ZNF519: variants seen among roughly 807,000 people sequenced by gnomAD.
ZNF519 encodes the protein zinc finger protein 519, also known as similar to Zinc finger protein 85 (Zinc finger protein HPF4) (HTF1).
ZNF519 carries 7 observed loss-of-function variants against 7.4 expected under a neutral mutation model. That is an observed-to-expected ratio of 0.94 (90% CI 0.54 to 1.77). The LOEUF is 1.77. ZNF519 is among the 40% of genes most tolerant of loss of function. The pLI, the probability that ZNF519 is intolerant of heterozygous loss-of-function variation, is 0.00. For synonymous variants in ZNF519, 179 were observed against 203.3 expected (o/e 0.88, Z 1.02); for missense variants, 586 against 623.1 (o/e 0.94, Z 0.63).
At chr18:14,073,287 T>TA (rs2046035383), downstream of ZNF519, 1 of 144,986 alleles carries the variant, frequency 6.9e-6, no homozygotes, top group South Asian at 2.2e-4. Context: ...TTTATTTATT[T>TA]TGAGATGGAG....
intron 2 of ZNF519, among the ~76,000 whole-genome samples, chr18:14,119,202 C>T (rs1851173450): frequency 6.6e-6 from 1 of 152,220 alleles, no homozygotes; most frequent in South Asian, 2.1e-4. Flanking sequence ...CTTTACAACG[C>T]TTCTTCTCTG....
At chr18:14,076,588 GA>G (rs1201827144) in exon 5 of ZNF519, 2 of 152,116 alleles carry the variant, frequency 1.3e-5, no homozygotes, top group African/African-American at 4.8e-5. Context: ...TTCAATGTCA[GA>G]ATTGTTTAAC....
intron 2 of ZNF519, among the ~76,000 whole-genome samples, chr18:14,089,608 G>C (rs1239873976): frequency 6.6e-6 from 1 of 152,142 alleles, no homozygotes; most frequent in African/African-American, 2.4e-5. Context: ...GGTGGGGTGA[G>C]TGGATATTGG....
intron 2 of ZNF519, among the ~76,000 whole-genome samples, chr18:14,091,583 C>G (rs574084656): frequency 6.6e-6 from 1 of 152,060 alleles, no homozygotes. Context: ...AGGTTGAAGA[C>G]AGAGCAATGA....
intron 2 of ZNF519, among the ~76,000 whole-genome samples, chr18:14,110,712 T>C (rs1359364640): frequency 6.6e-6 from 1 of 152,186 alleles, no homozygotes; most frequent in East Asian, 1.9e-4. Context: ...TGTGGTGAAA[T>C]GGGAACACTT....
At chr18:14,115,121 C>A (rs564523639) in intron 2 of ZNF519, among the ~76,000 whole-genome samples, 1 of 152,176 alleles carries the variant, frequency 6.6e-6, no homozygotes, top group Non-Finnish European at 1.5e-5. Context: ...GTTGCTGTAG[C>A]TTTATCCATT....
chr18:14,125,148 C>G (rs556465419), intron 1 of ZNF519, among the ~76,000 whole-genome samples: 2 of 152,276 alleles, frequency 1.3e-5, no homozygotes, highest in Admixed American at 6.5e-5. Flanking sequence ...CACAGAATCC[C>G]TTATCCCAAC....
intron 2 of ZNF519, among the ~76,000 whole-genome samples, chr18:14,113,666 G>A (rs369953544): frequency 6.8e-4 from 104 of 151,986 alleles, no homozygotes; most frequent in African/African-American, 2.3e-3. Flanking sequence ...CTAGGATTGG[G>A]GTTGCTAGGT....
Position 14,103,962 on chromosome 18 carries a change from TAC to T in ZNF519, c.*953_*954del, listed in dbSNP as rs1298629280. On this transcript the variant is annotated 3_prime_UTR_variant, in exon 3 of 3. Transcript: ENST00000590202. The stretch of plus-strand genomic sequence containing the variant: ...ATCCAGTTTCCTCAATCATCAAAAT[TAC>T]AGACTGCAAACATTCAAAAAGCATT... The T allele has an allele frequency of 6.6e-6, 1 of 152,162 alleles. No homozygotes were observed. The highest frequency in any genetic ancestry group is 2.4e-5 in the African/African-American group (1 of 41,448). The allele number at this position is 152,162 out of a possible 1,614,324, so 9.4% of individuals were successfully genotyped here. A position where few individuals can be genotyped will look rare whatever the true frequency, so the allele number is the denominator to read the frequency against.
chr18:14,096,018 C>T (rs1205404806), downstream of ZNF519, among the ~76,000 whole-genome samples: 10 of 152,192 alleles, frequency 6.6e-5, no homozygotes, highest in African/African-American at 9.7e-5. Flanking sequence ...AACACAAGAC[C>T]ATGGTTTGGG....
downstream of ZNF519, among the ~76,000 whole-genome samples, chr18:14,096,907 C>A (rs565309571): frequency 1.8e-4 from 28 of 152,274 alleles, no homozygotes; most frequent in Admixed American, 1.8e-3. Flanking sequence ...GAAGTGGACA[C>A]AGATGAAGGA....
At chr18:14,089,133 T>C (rs1262543523) in intron 2 of ZNF519, among the ~76,000 whole-genome samples, 13 of 152,190 alleles carry the variant, frequency 8.5e-5, no homozygotes, top group Admixed American at 8.5e-4. Context: ...AATGAATTAA[T>C]AAAGTTTTGG....
At chr18:14,098,139 T>TCGCCTATA (rs2046145121), downstream of ZNF519, among the ~76,000 whole-genome samples, 3 of 150,984 alleles carry the variant, frequency 2.0e-5, 1 homozygote, top group Admixed American at 2.0e-4. Flanking sequence ...TGAAAATCAG[T>TCGCCTATA]CGCCTATACA....
chr18:14,113,630 T>C (rs1470395841), intron 2 of ZNF519, among the ~76,000 whole-genome samples: 1 of 152,116 alleles, frequency 6.6e-6, no homozygotes, highest in Non-Finnish European at 1.5e-5. Flanking sequence ...CTCTCTCTGA[T>C]GTCCTGATTT....
intron 3 of ZNF519, among the ~76,000 whole-genome samples, chr18:14,083,536 C>A (rs17535842): frequency 2.0e-5 from 3 of 152,104 alleles, no homozygotes; most frequent in South Asian, 4.2e-4. Context: ...ATGAAACCAC[C>A]CTTTATCATC....
intron 1 of ZNF519, among the ~76,000 whole-genome samples, chr18:14,129,771 C>T (rs2846933): frequency 0.04 from 6,126 of 152,246 alleles, 429 homozygotes; most frequent in African/African-American, 0.14. Context: ...CACATGCCTC[C>T]GGATACCCAT....
intron 3 of ZNF519, among the ~76,000 whole-genome samples, chr18:14,079,084 C>T (rs1401501912): frequency 2.0e-5 from 3 of 152,150 alleles, no homozygotes; most frequent in Non-Finnish European, 4.4e-5. Context: ...GTTGCCAATT[C>T]TTGAATTTCA....
chr18:14,122,919 T>TCCCTCCC (rs1156848207), intron 2 of ZNF519, among the ~76,000 whole-genome samples: 21 of 136,236 alleles, frequency 1.5e-4, no homozygotes, highest in African/African-American at 5.5e-4. Flanking sequence ...CCTAATGTTA[T>TCCCTCCC]CCCTCCCCCC....
chr18:14,093,362 G>A (rs1431107153), intron 2 of ZNF519, among the ~76,000 whole-genome samples: 1 of 152,114 alleles, frequency 6.6e-6, no homozygotes, highest in Non-Finnish European at 1.5e-5. Flanking sequence ...TAGTTCATGA[G>A]GGACTCTCTT....
Sources: allele counts gnomAD v4.1 joint callset (sites outside exome capture counted in the v4.1 genomes callset), GRCh38; gene constraint gnomAD v4.1.1; transcripts MANE v1.5; gene names NCBI Gene and HGNC (gene_info 2026-07-23, HGNC 2026-07-21).